FARS2: variants seen among roughly 807,000 people sequenced by gnomAD.
The protein encoded by FARS2 is phenylalanyl-tRNA synthetase 2, mitochondrial, also known as phenylalanine--tRNA ligase, mitochondrial.
FARS2 carries 40 observed loss-of-function variants against 46.4 expected under a neutral mutation model. That is an observed-to-expected ratio of 0.86 (90% CI 0.67 to 1.12). The LOEUF is 1.12. FARS2 is among the 50% of genes most tolerant of loss of function. FARS2 has a pLI of 0.00. For synonymous variants in FARS2, 234 were observed against 214.9 expected (o/e 1.09, Z -0.78); for missense variants, 513 against 567.9 (o/e 0.90, Z 0.98).
At chr6:5,307,463 A>G (rs1221355767) in intron 1 of FARS2, among the ~76,000 whole-genome samples, 5 of 152,216 alleles carry the variant, frequency 3.3e-5, no homozygotes, top group Admixed American at 2.0e-4. Flanking sequence ...CATAAGGTCT[A>G]TGAGGCATTT....
At chr6:5,690,055 A>T (rs1348437958) in intron 6 of FARS2, among the ~76,000 whole-genome samples, 1 of 151,996 alleles carries the variant, frequency 6.6e-6, no homozygotes, top group Non-Finnish European at 1.5e-5. Flanking sequence ...TGCTTGGTAG[A>T]TCTTCCTTCA....
At chr6:5,594,081 T>C (rs888071252) in intron 5 of FARS2, among the ~76,000 whole-genome samples, 17 of 152,162 alleles carry the variant, frequency 1.1e-4, no homozygotes, top group Non-Finnish European at 2.5e-4. Context: ...TCGCTGAGTA[T>C]TTTTTGGGTG....
At chr6:5,313,291 A>G (rs1350527551) in intron 1 of FARS2, among the ~76,000 whole-genome samples, 1 of 152,198 alleles carries the variant, frequency 6.6e-6, no homozygotes, top group African/African-American at 2.4e-5. Context: ...AGGGCTGTCC[A>G]TACTCAGACT....
intron 4 of FARS2, among the ~76,000 whole-genome samples, chr6:5,476,005 G>T (rs561314161): frequency 6.6e-6 from 1 of 152,158 alleles, no homozygotes; most frequent in Non-Finnish European, 1.5e-5. Flanking sequence ...TCAGTGATTG[G>T]TTCATTCATG....
intron 2 of FARS2, among the ~76,000 whole-genome samples, chr6:5,389,074 G>C (rs907426594): frequency 6.6e-5 from 10 of 152,064 alleles, no homozygotes; most frequent in African/African-American, 2.2e-4. Flanking sequence ...CAGAGAGTAA[G>C]ATTTTTCCTT....
At chr6:5,499,457 G>A (rs796634331) in intron 4 of FARS2, among the ~76,000 whole-genome samples, 38 of 152,292 alleles carry the variant, frequency 2.5e-4, no homozygotes, top group African/African-American at 9.1e-4. Flanking sequence ...TTAGAATAAG[G>A]TCAGAAGGTT....
intron 5 of FARS2, 40 bp downstream of exon 5, chr6:5,545,380 A>G (rs765407461): frequency 3.3e-6 from 5 of 1,512,722 alleles, no homozygotes; most frequent in Non-Finnish European, 3.6e-6. Flanking sequence ...AATAATAAAA[A>G]TGGCTGTCAA....
intron 6 of FARS2, among the ~76,000 whole-genome samples, chr6:5,719,538 G>T (rs972693088): frequency 1.2e-4 from 18 of 152,056 alleles, no homozygotes; most frequent in African/African-American, 3.6e-4. Context: ...TTTTGAAAGC[G>T]GGAGACCTTT....
intron 6 of FARS2, among the ~76,000 whole-genome samples, chr6:5,640,530 G>T (rs1442407367): frequency 1.3e-5 from 2 of 152,318 alleles, no homozygotes; most frequent in Middle Eastern, 3.4e-3. Flanking sequence ...GGAAGAAAAA[G>T]AAACATTTTG....
intron 2 of FARS2, among the ~76,000 whole-genome samples, chr6:5,369,831 G>A (rs768634196): frequency 1.3e-5 from 2 of 150,626 alleles, no homozygotes; most frequent in Non-Finnish European, 3.0e-5. Context: ...AATATGTTGT[G>A]TGCATCTGTT....
intron 1 of FARS2, among the ~76,000 whole-genome samples, chr6:5,360,475 T>A (rs999198543): frequency 5.3e-5 from 8 of 152,196 alleles, no homozygotes; most frequent in African/African-American, 1.7e-4. Context: ...GTATTTCTAT[T>A]TTAAACATCC....
Position 5,296,129 on chromosome 6 carries a change from C to CTTTTTTTTT in FARS2, c.-22+34491_-22+34499dup, listed in dbSNP as rs70974187. Among the ~76,000 whole-genome samples the CTTTTTTTTT allele has an allele frequency of 6.5e-4, 36 of 55,074 alleles. 6 individuals are homozygous for CTTTTTTTTT. The highest frequency in any genetic ancestry group is 1.7e-3 in the African/African-American group (19 of 11,296). The allele number at this position is 55,074 out of a possible 152,430, so 36.1% of individuals were successfully genotyped here. A position where few individuals can be genotyped will look rare whatever the true frequency, so the allele number is the denominator to read the frequency against. On this transcript the variant is annotated intron_variant, in intron 1 of 6. Transcript: ENST00000274680. ...CAAACATAAAAATTATCATTTTGGC[C>CTTTTTTTTT]TTTTTTTTTTTTTTTTTTTTTTTTT...
intron 4 of FARS2, among the ~76,000 whole-genome samples, chr6:5,432,455 T>TTATATATTATATATATTTTTTATATATAA (rs1171982538): frequency 9.4e-5 from 12 of 128,224 alleles, no homozygotes; most frequent in South Asian, 8.9e-4. Flanking sequence ...AAAATATATA[T>TTATATATTATATATATTTTTTATATATAA]TATATATTAT....
At chr6:5,671,081 T>C (rs940806899) in intron 6 of FARS2, among the ~76,000 whole-genome samples, 3 of 152,246 alleles carry the variant, frequency 2.0e-5, no homozygotes, top group Non-Finnish European at 2.9e-5. Context: ...GGGGGACTTA[T>C]GGTAGCATAA....
At chr6:5,560,036 C>T (rs573599858) in intron 5 of FARS2, among the ~76,000 whole-genome samples, 6 of 152,022 alleles carry the variant, frequency 3.9e-5, no homozygotes, top group East Asian at 1.9e-4. Context: ...ATTAGCTTAC[C>T]GCCTTTGAAA....
intron 2 of FARS2, among the ~76,000 whole-genome samples, chr6:5,404,322 T>G (rs1190346689): frequency 6.6e-6 from 1 of 152,236 alleles, no homozygotes; most frequent in Non-Finnish European, 1.5e-5. Context: ...GAAGAGTGTC[T>G]TAATTCTCTA....
intron 4 of FARS2, among the ~76,000 whole-genome samples, chr6:5,497,844 C>G (rs1767562617): frequency 6.6e-6 from 1 of 152,132 alleles, no homozygotes; most frequent in African/African-American, 2.4e-5. Flanking sequence ...AATTCATTAA[C>G]CTTTCATTGT....
chr6:5,770,495 G>A (rs796663233), intron 6 of FARS2, among the ~76,000 whole-genome samples: 3 of 152,278 alleles, frequency 2.0e-5, no homozygotes, highest in African/African-American at 7.2e-5. Context: ...AGAAATGTGA[G>A]CATTCAGAGA....
At chr6:5,340,183 A>G (rs1434315419) in intron 1 of FARS2, among the ~76,000 whole-genome samples, 1 of 152,216 alleles carries the variant, frequency 6.6e-6, no homozygotes, top group Non-Finnish European at 1.5e-5. Flanking sequence ...CTATGCAATG[A>G]TGAGGCCATA....
Sources: allele counts gnomAD v4.1 joint callset (sites outside exome capture counted in the v4.1 genomes callset), GRCh38; gene constraint gnomAD v4.1.1; transcripts MANE v1.5; gene names NCBI Gene and HGNC (gene_info 2026-07-23, HGNC 2026-07-21).